PDE8A: variants seen among roughly 807,000 people sequenced by gnomAD.
The protein encoded by PDE8A is phosphodiesterase 8A, also known as high affinity cAMP-specific and IBMX-insensitive 3',5'-cyclic phosphodiesterase 8A.
A neutral mutation model predicts 105.0 loss-of-function variants in PDE8A; 59 were observed. That is an observed-to-expected ratio of 0.56 (90% CI 0.46 to 0.70). PDE8A has a LOEUF of 0.70. PDE8A is among the 30% of genes least tolerant of loss of function. The pLI, the probability that PDE8A is intolerant of heterozygous loss-of-function variation, is 0.00. For missense variants in PDE8A, 1,014 were observed against 1,045.9 expected (o/e 0.97, Z 0.42); for synonymous variants, 355 against 371.9 (o/e 0.95, Z 0.52).
At chr15:85,101,377 A>G (rs946822725) in intron 11 of PDE8A, among the ~76,000 whole-genome samples, 4 of 152,242 alleles carry the variant, frequency 2.6e-5, no homozygotes, top group African/African-American at 9.6e-5. Context: ...TGAATAGAAA[A>G]GAAATGTGAG....
chr15:85,073,571 A>G (rs536339907), intron 3 of PDE8A, among the ~76,000 whole-genome samples: 1 of 152,270 alleles, frequency 6.6e-6, no homozygotes, highest in South Asian at 2.1e-4. Context: ...CATCACTCCC[A>G]TCTTGATTTT....
intron 1 of PDE8A, among the ~76,000 whole-genome samples, chr15:85,014,412 A>ATTAT (rs2080290394): frequency 6.6e-6 from 1 of 152,176 alleles, no homozygotes; most frequent in Admixed American, 6.5e-5. Flanking sequence ...TACCTCTATA[A>ATTAT]AGAGAAGCTC....
At chr15:85,032,570 C>A (rs1293316988) in intron 1 of PDE8A, among the ~76,000 whole-genome samples, 3 of 152,072 alleles carry the variant, frequency 2.0e-5, no homozygotes, top group Admixed American at 2.0e-4. Flanking sequence ...AAAATTTGAT[C>A]TTTAAGGGGC....
chr15:85,025,506 C>T (rs2080501447), intron 1 of PDE8A, among the ~76,000 whole-genome samples: 1 of 152,168 alleles, frequency 6.6e-6, no homozygotes, highest in African/African-American at 2.4e-5. Flanking sequence ...ACCCAAAGCC[C>T]AGTTAACCAA....
intron 11 of PDE8A, among the ~76,000 whole-genome samples, chr15:85,106,660 C>G (rs1225050505): frequency 2.0e-5 from 3 of 152,140 alleles, no homozygotes; most frequent in African/African-American, 7.2e-5. Context: ...TGTTGTGTCT[C>G]AGACAGAAGG....
intron 5 of PDE8A, 39 bp from the exon 6 acceptor site, chr15:85,083,517 A>T: frequency 2.5e-6 from 3 of 1,216,196 alleles, no homozygotes; most frequent in Non-Finnish European, 3.7e-6. Context: ...ATAAAGAAGC[A>T]CTTTTGTTTA....
intron 18 of PDE8A, 76 bp downstream of exon 18, chr15:85,121,090 T>C (rs2082174342): frequency 1.1e-6 from 1 of 911,102 alleles, no homozygotes; most frequent in African/African-American, 1.7e-5. Context: ...ATAATTCACA[T>C]CTTATACAGT....
chr15:85,127,873 A>T (rs1008494913), intron 20 of PDE8A, among the ~76,000 whole-genome samples: 2 of 152,160 alleles, frequency 1.3e-5, no homozygotes, highest in African/African-American at 4.8e-5. Context: ...AAGTTGGAAG[A>T]TATGCCCTGT....
chr15:85,013,861 G>A (rs908329810), intron 1 of PDE8A, among the ~76,000 whole-genome samples: 1 of 152,146 alleles, frequency 6.6e-6, no homozygotes, highest in Non-Finnish European at 1.5e-5. Context: ...GATTGGCCAA[G>A]TTAGTGCAGG....
chr15:85,115,685 G>T (rs1032730053), intron 15 of PDE8A, 198 bp downstream of exon 15: 2 of 538,468 alleles, frequency 3.7e-6, no homozygotes, highest in Non-Finnish European at 6.5e-6. Context: ...GGCTCACACC[G>T]CCGAGATGGG....
chr15:85,085,781 G>A (rs184896184), intron 6 of PDE8A, among the ~76,000 whole-genome samples: 44 of 152,082 alleles, frequency 2.9e-4, no homozygotes, highest in Admixed American at 1.2e-3. Context: ...GCTGAGGTTG[G>A]TGGATCACCT....
intron 1 of PDE8A, among the ~76,000 whole-genome samples, chr15:84,986,871 T>C (rs1464902805): frequency 6.6e-6 from 1 of 152,198 alleles, no homozygotes; most frequent in African/African-American, 2.4e-5. Flanking sequence ...AGCCTCAGCC[T>C]ACCAAAGTGC....
Position 84,999,839 on chromosome 15 carries a change from G to T in PDE8A, c.186+17491G>T, listed in dbSNP as rs548055452. 8.5e-5 allele frequency among the ~76,000 whole-genome samples: 13 copies of T among 152,192 alleles called. No individual in the cohort carries two copies. In the East Asian group the frequency reaches 1.5e-3, roughly 18 times the overall value. On this transcript the variant is annotated intron_variant, in intron 1 of 21. Transcript: ENST00000394553. ...TTCACCTGCCTCGGCCTCCCAAAGT[G>T]CTGGGATTACAGGCATGAGCTACTG...
chr15:85,025,821 G>T lies in PDE8A; in HGVS notation c.187-38549G>T, dbSNP rs16974713. On this transcript the variant is annotated intron_variant, in intron 1 of 21. Coordinates refer to ENST00000394553, the MANE Select transcript of PDE8A (RefSeq NM_002605.3). Reference sequence around the variant, plus strand: ...CCTTAGGAAGCCAGGAACACCTTGAGACTCGGGCCAGAACAATGTGGCCCA... The same window carrying T: ...CCTTAGGAAGCCAGGAACACCTTGATACTCGGGCCAGAACAATGTGGCCCA... Among the ~76,000 whole-genome samples the T allele has an allele frequency of 3.9e-5, 6 of 152,164 alleles. No homozygotes were observed. In the East Asian group the frequency reaches 7.7e-4, roughly 20 times the overall value.
rs2081787500 is a variant in PDE8A at position 85,097,989 on chromosome 15, T to C, written c.894T>C (p.Asp298=). 34 of 1,604,396 alleles carry C rather than the reference T, an allele frequency of 2.1e-5. No individual in the cohort carries two copies. Among genetic ancestry groups the C allele is most frequent in the Non-Finnish European group, 2.8e-5 (33 of 1,171,324 alleles). ...ACTATGCCAAAAAGAAAAACGGAGA[T>C]AATATACAACAAAATGTGAAGATAA... ...GIYYAKKKNG[D]NIQQNVKIIP... is the part of the protein sequence containing the mutation. Residue 298 remains aspartate (D), a synonymous_variant, in exon 9 of 22, where the codon GAT becomes GAC. Coordinates refer to ENST00000394553, the MANE Select transcript of PDE8A (RefSeq NM_002605.3).
Position 85,115,367 on chromosome 15 carries a change from A to G in PDE8A, c.1351-72A>G. ...CTGCCCTGAGTTGTCCTGTGGGAGG[A>G]CCACCTGGAGTTTCCAGGAAGGAAA... On this transcript the variant is annotated intron_variant, in intron 14 of 21. Coordinates refer to ENST00000394553, the MANE Select transcript of PDE8A (RefSeq NM_002605.3). 3.1e-6 allele frequency: 3 copies of G among 970,992 alleles called. No individual in the cohort carries two copies. The South Asian group carries it at 4.5e-5, about 15-fold the overall frequency. 60.1% of individuals were successfully genotyped at this position (970,992 alleles called of 1,614,324 possible). A position where few individuals can be genotyped will look rare whatever the true frequency, so the allele number is the denominator to read the frequency against.
intron 1 of PDE8A, among the ~76,000 whole-genome samples, chr15:85,028,792 G>C (rs1325967961): frequency 6.6e-6 from 1 of 151,138 alleles, no homozygotes; most frequent in Non-Finnish European, 1.5e-5. Context: ...CTTCCCATCT[G>C]CTCTGTCTTG....
intron 1 of PDE8A, among the ~76,000 whole-genome samples, chr15:85,041,911 A>G (rs768205381): frequency 5.3e-5 from 8 of 152,118 alleles, no homozygotes; most frequent in African/African-American, 7.2e-5. Flanking sequence ...TTCCTTTACT[A>G]TATACTTACC....
In PDE8A at chr15:85,113,397, T is replaced by C. The variant is rs573384080; in HGVS notation, c.1135T>C (p.Ser379Pro). The C allele has an allele frequency of 3.0e-5, 48 of 1,614,150 alleles. No individual in the cohort carries two copies. The South Asian group carries it at 5.1e-4, about 17-fold the overall frequency. Residue 379 changes from serine (S) to proline (P), a missense_variant, in exon 13 of 22, where the codon TCT (serine) becomes CCT (proline). Physicochemically the swap from Ser to Pro is moderately conservative, Grantham distance 74 (BLOSUM62 -1). Transcript: ENST00000394553. ...ATEVSSQRRH[S>P]SMARIHSMTI... ...CACAGTTTCCAGCCAGAGACGACAC[T>C]CTTCCATGGCCCGGATACATTCCAT... is the stretch of plus-strand genomic sequence containing the variant.
Sources: allele counts gnomAD v4.1 joint callset (sites outside exome capture counted in the v4.1 genomes callset), GRCh38; gene constraint gnomAD v4.1.1; transcripts MANE v1.5; gene names NCBI Gene and HGNC (gene_info 2026-07-23, HGNC 2026-07-21).